The following AGMO variants were observed in gnomAD, a reference collection of about 807,000 sequenced individuals.
AGMO encodes the protein glyceryl-ether monooxygenase.
In AGMO, 75 loss-of-function variants were observed where a neutral mutation model predicts 60.2. That is an observed-to-expected ratio of 1.25 (90% CI 1.03 to 1.51). AGMO has a LOEUF of 1.51. Ranked by LOEUF, AGMO falls within the 40% of genes most tolerant of loss-of-function variation. The pLI, the probability that AGMO is intolerant of heterozygous loss-of-function variation, is 0.00. For synonymous variants in AGMO, 261 were observed against 177.1 expected (o/e 1.47, Z -3.76); for missense variants, 763 against 525.5 (o/e 1.45, Z -4.42).
intron 12 of AGMO, among the ~76,000 whole-genome samples, chr7:15,338,165 T>A (rs1374556355): frequency 6.6e-6 from 1 of 152,196 alleles, no homozygotes; most frequent in South Asian, 2.1e-4. Context: ...TTAAATTTTT[T>A]AAGTAAGGTG....
chr7:15,370,911 A>G (rs571444870), intron 10 of AGMO, among the ~76,000 whole-genome samples: 1 of 152,150 alleles, frequency 6.6e-6, no homozygotes, highest in South Asian at 2.1e-4. Flanking sequence ...CCATCTGTCA[A>G]TTTTTGTTTT....
At chr7:15,247,455 C>CAGAGAGAGAGAGAG (rs1201390163) in intron 12 of AGMO, among the ~76,000 whole-genome samples, 1 of 120,276 alleles carries the variant, frequency 8.3e-6, no homozygotes, top group Non-Finnish European at 1.7e-5. Context: ...CACACACACA[C>CAGAGAGAGAGAGAG]ACACAGAGAG....
intron 4 of AGMO, 83 bp downstream of exon 4, chr7:15,430,922 T>TTTTTTG: frequency 1.4e-6 from 1 of 699,182 alleles, no homozygotes; most frequent in South Asian, 3.5e-5. Flanking sequence ...CTATTAGTTT[T>TTTTTTG]TTTTTTTTTT....
intron 12 of AGMO, among the ~76,000 whole-genome samples, chr7:15,279,030 A>T (rs1783884462): frequency 6.6e-6 from 1 of 152,122 alleles, no homozygotes; most frequent in Admixed American, 6.5e-5. Flanking sequence ...CCACTCTGAG[A>T]AGTGGCAGCT....
chr7:15,464,457 C>G (rs917950301), intron 3 of AGMO, among the ~76,000 whole-genome samples: 1 of 152,182 alleles, frequency 6.6e-6, no homozygotes, highest in African/African-American at 2.4e-5. Flanking sequence ...CTCATAAAAT[C>G]ACTTTTTAAA....
chr7:15,554,403 A>G (rs1283126636), intron 2 of AGMO, among the ~76,000 whole-genome samples: 1 of 152,058 alleles, frequency 6.6e-6, no homozygotes, highest in African/African-American at 2.4e-5. Context: ...TTATGCCTTA[A>G]GTTTGAATGT....
intron 12 of AGMO, among the ~76,000 whole-genome samples, chr7:15,258,854 C>T (rs565991282): frequency 6.1e-4 from 93 of 152,226 alleles, no homozygotes; most frequent in Admixed American, 2.4e-3. Context: ...TCTCAGGAAG[C>T]CTATTCCTTA....
At chr7:15,189,668 C>A in the AGMO span, among the ~76,000 whole-genome samples, 1 of 152,002 alleles carries the variant, frequency 6.6e-6, no homozygotes, top group East Asian at 1.9e-4. Context: ...CATCAAGACA[C>A]AAAGTTGTAT....
intron 10 of AGMO, among the ~76,000 whole-genome samples, chr7:15,374,336 C>A (rs576221435): frequency 2.0e-5 from 3 of 151,912 alleles, no homozygotes; most frequent in Non-Finnish European, 2.9e-5. Flanking sequence ...AAGAAGCAAA[C>A]ATAATAAATA....
At chr7:15,145,039 A>G in the AGMO span, among the ~76,000 whole-genome samples, 7 of 152,168 alleles carry the variant, frequency 4.6e-5, no homozygotes, top group African/African-American at 1.2e-4. Flanking sequence ...CGTGTTAGCC[A>G]GGATGGGCTC....
intron 12 of AGMO, among the ~76,000 whole-genome samples, chr7:15,294,488 A>C (rs1455443471): frequency 6.6e-6 from 1 of 150,754 alleles, no homozygotes. Context: ...AAATACAATA[A>C]AACCTCAATT....
the AGMO span, among the ~76,000 whole-genome samples, chr7:15,132,617 G>A: frequency 1.3e-5 from 2 of 152,118 alleles, no homozygotes; most frequent in African/African-American, 4.8e-5. Context: ...CAAGCAAAGT[G>A]GATTTAACAA....
rs60144769 is a variant in AGMO at position 15,407,232 on chromosome 7, CAT to C, written c.609+11324_609+11325del. Among the ~76,000 whole-genome samples the C allele has an allele frequency of 1.1e-3, 142 of 132,082 alleles. 2 individuals are homozygous for C. The highest frequency in any genetic ancestry group is 4.2e-3 in the Middle Eastern group (1 of 238). 86.7% of individuals were successfully genotyped at this position (132,082 alleles called of 152,430 possible). ...TTGAAAGGCCCCTTTCTTTGGAATA[CAT>C]ATATATATATATATATGTATATACT... On this transcript the variant is annotated intron_variant, in intron 5 of 12. Transcript: ENST00000342526.
intron 12 of AGMO, chr7:15,358,453 G>T: frequency 2.1e-6 from 1 of 470,824 alleles, no homozygotes; most frequent in Non-Finnish European, 4.4e-6. Context: ...TTCCTAAAGG[G>T]TGAGATACGT....
At chr7:15,421,213 C>A (rs1361123874) in intron 4 of AGMO, among the ~76,000 whole-genome samples, 28 of 152,024 alleles carry the variant, frequency 1.8e-4, no homozygotes. Context: ...ATCCATGAAT[C>A]CCTTGATGCC....
chr7:15,557,271 A>T (rs1044147951), intron 2 of AGMO, among the ~76,000 whole-genome samples: 1 of 152,142 alleles, frequency 6.6e-6, no homozygotes, highest in Non-Finnish European at 1.5e-5. Flanking sequence ...TGGAATTATT[A>T]TCCAAAGCAT....
At chr7:15,349,769 G>C (rs532444980) in intron 12 of AGMO, among the ~76,000 whole-genome samples, 1 of 152,122 alleles carries the variant, frequency 6.6e-6, no homozygotes, top group Non-Finnish European at 1.5e-5. Context: ...GGTGACAGAA[G>C]AAAAGAATGG....
chr7:15,138,911 T>C, the AGMO span, among the ~76,000 whole-genome samples: 1 of 152,298 alleles, frequency 6.6e-6, no homozygotes, highest in Admixed American at 6.5e-5. Context: ...ATCATAAACA[T>C]TATGTGTATT....
At chr7:15,416,666 A>T (rs1780782208) in intron 5 of AGMO, among the ~76,000 whole-genome samples, 1 of 152,152 alleles carries the variant, frequency 6.6e-6, no homozygotes, top group South Asian at 2.1e-4. Flanking sequence ...TACAGCTCGC[A>T]TATCATTTCT....
Sources: gnomAD v4.1 joint callset for allele counts (sites outside exome capture counted in the v4.1 genomes callset) on GRCh38, gnomAD v4.1.1 for gene constraint, MANE v1.5 for transcripts, NCBI Gene and HGNC (gene_info 2026-07-23, HGNC 2026-07-21) for gene names.